Variants in FNDC1 observed in about 807,000 individuals in gnomAD.
The protein encoded by FNDC1 is fibronectin type III domain containing 1.
Under a neutral mutation model 168.0 loss-of-function variants are expected in FNDC1, and 96 were observed. The observed-to-expected ratio is 0.57, with a 90% CI of 0.48 to 0.68. The LOEUF (loss-of-function observed/expected upper bound fraction) is 0.68. FNDC1 is among the 30% of genes least tolerant of loss of function. The pLI, the probability that FNDC1 is intolerant of heterozygous loss-of-function variation, is 0.00. For synonymous variants in FNDC1, 1,099 were observed against 1,025.9 expected (o/e 1.07, Z -1.36); for missense variants, 2,587 against 2,482.1 (o/e 1.04, Z -0.90).
chr6:159,266,120 A>T lies in FNDC1; in HGVS notation c.5321A>T (p.His1774Leu). 3 of 1,613,958 alleles carry T rather than the reference A, an allele frequency of 1.9e-6. No homozygotes were observed. The highest frequency in any genetic ancestry group is 1.7e-6 in the Non-Finnish European group (2 of 1,179,830). The change falls in exon 21 of 23, where the codon CAT (histidine) becomes CTT (leucine). Residue 1774 changes from histidine (H) to leucine (L), a missense_variant. By Grantham distance (99) the His-to-Leu change is moderately conservative (BLOSUM62 -3). Transcript: ENST00000297267. Reference protein sequence around the residue: ...EPIWIPFAFKHDPSYTDCHGR... With the variant: ...EPIWIPFAFKLDPSYTDCHGR... ...ATCTGGATCCCATTCGCTTTCAAAC[A>T]TGATCCCAGCTACACGGACTGCCAT...
chr6:159,242,216 C>A (rs2115004312), intron 14 of FNDC1, among the ~76,000 whole-genome samples: 1 of 152,252 alleles, frequency 6.6e-6, no homozygotes, highest in African/African-American at 2.4e-5. Flanking sequence ...ATTGTCCTCA[C>A]CAAATTAACA....
At chr6:159,260,779 C>T (rs1016251810) in intron 18 of FNDC1, among the ~76,000 whole-genome samples, 2 of 152,202 alleles carry the variant, frequency 1.3e-5, no homozygotes, top group African/African-American at 4.8e-5. Flanking sequence ...TGCTCCACCA[C>T]CCTCTCTCTC....
Position 159,234,342 on chromosome 6 carries a change from C to T in FNDC1, c.3830C>T (p.Pro1277Leu), listed in dbSNP as rs763996238. ...GTGAGCCCCGTCGCGGGCACCCACC[C>T]CTGGCCGCAGTACACCACGCGCGCC... ...ATVSPVAGTH[P>L]WPQYTTRAPP... Residue 1277 changes from proline to leucine, a missense_variant, in exon 11 of 23, where the codon CCC becomes CTC. By Grantham distance (98) the Pro-to-Leu change is moderately conservative (BLOSUM62 -3). Coordinates refer to ENST00000297267, the MANE Select transcript of FNDC1 (RefSeq NM_032532.3). 7.4e-6 allele frequency: 12 copies of T among 1,611,442 alleles called. No homozygotes were observed. In the South Asian group the frequency reaches 1.3e-4, roughly 18 times the overall value.
intron 7 of FNDC1, among the ~76,000 whole-genome samples, chr6:159,224,495 A>G (rs892248606): frequency 6.6e-6 from 1 of 152,368 alleles, no homozygotes; most frequent in African/African-American, 2.4e-5. Context: ...ATACATATAT[A>G]AATGATTATT....
In FNDC1 at chr6:159,259,334, G is replaced by A. The variant is rs1777432794; in HGVS notation, c.5175-1856G>A. On this transcript the variant is annotated intron_variant, in intron 18 of 22. Transcript: ENST00000297267. ...GAGGTTTTAATGGGAATATGTCTTT[G>A]GAATGGTCACATGTGAGTTTCTGGA... 2.0e-5 allele frequency among the ~76,000 whole-genome samples: 3 copies of A among 152,142 alleles called. No homozygotes were observed. The South Asian group carries it at 6.2e-4, about 31-fold the overall frequency.
intron 1 of FNDC1, among the ~76,000 whole-genome samples, chr6:159,192,645 G>C (rs969590429): frequency 1.3e-5 from 2 of 152,196 alleles, no homozygotes; most frequent in Non-Finnish European, 2.9e-5. Context: ...TGTTCAGTTT[G>C]AAACTCATAT....
chr6:159,173,890 C>A (rs1781710477), intron 1 of FNDC1, among the ~76,000 whole-genome samples: 1 of 152,172 alleles, frequency 6.6e-6, no homozygotes, highest in Non-Finnish European at 1.5e-5. Flanking sequence ...AGGACAAGGA[C>A]ATCTTTGGGG....
chr6:159,225,900 T>G (rs1452845465), intron 8 of FNDC1, among the ~76,000 whole-genome samples, 178 bp downstream of exon 8: 1 of 152,206 alleles, frequency 6.6e-6, no homozygotes, highest in Non-Finnish European at 1.5e-5. Flanking sequence ...TAAGGAACTG[T>G]TTTTTGGGTC....
At chr6:159,206,367 A>G (rs1380705135) in intron 4 of FNDC1, among the ~76,000 whole-genome samples, 1 of 152,238 alleles carries the variant, frequency 6.6e-6, no homozygotes, top group East Asian at 1.9e-4. Flanking sequence ...TTTAGTGTGC[A>G]CTTCACAGGA....
At chr6:159,268,607 T>A (rs566682621) in intron 22 of FNDC1, among the ~76,000 whole-genome samples, 1 of 152,200 alleles carries the variant, frequency 6.6e-6, no homozygotes, top group Admixed American at 6.5e-5. Context: ...CTATCATCTA[T>A]CTATATCTAT....
In FNDC1 at chr6:159,234,123, C is replaced by T. The variant is rs897799573; in HGVS notation, c.3611C>T (p.Pro1204Leu). The change falls in exon 11 of 23, where the codon CCC becomes CTC. Residue 1204 changes from proline to leucine, a missense_variant. By Grantham distance (98) the Pro-to-Leu change is moderately conservative. Transcript: ENST00000297267. ...DLLSSSVPKW[P>L]SSSTPRGGKD... is the part of the protein sequence containing the mutation. The stretch of plus-strand genomic sequence containing the variant: ...CTGTCTTCCTCTGTGCCAAAGTGGC[C>T]CTCTTCCTCCACTCCCAGGGGCGGC... The T allele has an allele frequency of 1.2e-6, 2 of 1,604,194 alleles. No homozygotes were observed. The highest frequency in any genetic ancestry group is 4.5e-5 in the East Asian group (2 of 44,760).
At chr6:159,234,737 A>C (rs986278536) in intron 11 of FNDC1, among the ~76,000 whole-genome samples, 1 of 152,202 alleles carries the variant, frequency 6.6e-6, no homozygotes, top group African/African-American at 2.4e-5. Context: ...TTGCCATTCC[A>C]ATTCCAAATG....
intron 17 of FNDC1, among the ~76,000 whole-genome samples, chr6:159,255,695 AG>A (rs1777357605): frequency 6.6e-6 from 1 of 152,252 alleles, no homozygotes; most frequent in Non-Finnish European, 1.5e-5. Flanking sequence ...CCTACATACT[AG>A]GATCATGAGG....
rs1777677581 is a variant in FNDC1 at position 159,269,351 on chromosome 6, GTTTATCTAGGTATC to G, written c.5569+1426_5569+1439del. On this transcript the variant is annotated intron_variant, in intron 22 of 22. Transcript: ENST00000297267. The stretch of plus-strand genomic sequence containing the variant: ...TATCTATCTATCTATCTATCCATTT[GTTTATCTAGGTATC>G]CATCCATCTGCCCATCCATATATCT... Among the ~76,000 whole-genome samples the G allele has an allele frequency of 5.2e-4, 17 of 32,688 alleles. 4 individuals are homozygous for G. Among genetic ancestry groups the G allele is most frequent in the South Asian group, 3.2e-3 (3 of 932 alleles). 21.4% of individuals were successfully genotyped at this position (32,688 alleles called of 152,430 possible). A position where few individuals can be genotyped will look rare whatever the true frequency, so the allele number is the denominator to read the frequency against.
intron 1 of FNDC1, among the ~76,000 whole-genome samples, chr6:159,174,564 C>A (rs1181475230): frequency 1.3e-5 from 2 of 152,268 alleles, no homozygotes; most frequent in Non-Finnish European, 2.9e-5. Flanking sequence ...GACAAACATC[C>A]AGTTATCTGC....
intron 2 of FNDC1, among the ~76,000 whole-genome samples, chr6:159,198,698 C>T (rs1782305771): frequency 1.3e-5 from 2 of 152,166 alleles, no homozygotes; most frequent in Non-Finnish European, 2.9e-5. Flanking sequence ...AAAAGAGAGT[C>T]GTAGAGCTCA....
chr6:159,169,630 C>T lies in FNDC1; in HGVS notation c.34C>T (p.Pro12Ser). 1.7e-6 allele frequency: 2 copies of T among 1,143,132 alleles called. No homozygotes were observed. Among genetic ancestry groups the T allele is most frequent in the Non-Finnish European group, 2.1e-6 (2 of 932,050 alleles). The allele number at this position is 1,143,132 out of a possible 1,614,324, so 70.8% of individuals were successfully genotyped here. The part of the protein sequence containing the change: ...APEAGATLRA[P>S]RRLSWAALLL... ...CGAGGCCGGGGCGACCCTGCGCGCG[C>T]CGCGCCGGCTGTCCTGGGCGGCGCT... is the stretch of plus-strand genomic sequence containing the variant. Residue 12 changes from proline to serine, a missense_variant, in exon 1 of 23, where the codon CCG (proline) becomes TCG (serine). Physicochemically the swap from Pro to Ser is moderately conservative, Grantham distance 74 (BLOSUM62 -1). Coordinates refer to ENST00000297267, the MANE Select transcript of FNDC1 (RefSeq NM_032532.3). This position sits in a 1 kb window ranked among gnomAD's most constrained non-coding sequence, Gnocchi z 6.8.
chr6:159,263,017 C>A (rs1273178915), intron 19 of FNDC1, among the ~76,000 whole-genome samples: 2 of 152,210 alleles, frequency 1.3e-5, no homozygotes, highest in Admixed American at 1.3e-4. Flanking sequence ...ATTTGCCAAA[C>A]ATAACAATTG....
Position 159,234,043 on chromosome 6 carries a change from C to G in FNDC1, c.3531C>G (p.Ala1177=), listed in dbSNP as rs766986058. The G allele has an allele frequency of 6.2e-7, 1 of 1,612,250 alleles. No homozygotes were observed. The highest frequency in any genetic ancestry group is 1.1e-5 in the South Asian group (1 of 90,818). Residue 1177 remains alanine, a synonymous_variant, in exon 11 of 23, where the codon GCC becomes GCG. Transcript: ENST00000297267. The stretch of plus-strand genomic sequence containing the variant: ...CCAAGTCCCAGCAGTCGGTCTCAGC[C>G]GAGGACGACGAGGAGGAGGACGCGG... ...LSSKSQQSVS[A]EDDEEEDAGF... is the part of the protein sequence containing the mutation.
Sources: gnomAD v4.1 joint callset for allele counts (sites outside exome capture counted in the v4.1 genomes callset) on GRCh38, gnomAD v4.1.1 for gene constraint, Gnocchi (gnomAD v3.1) non-coding constraint, MANE v1.5 for transcripts, NCBI Gene and HGNC (gene_info 2026-07-23, HGNC 2026-07-21) for gene names.